Variants in SPTAN1 observed in about 807,000 individuals in gnomAD.
SPTAN1 encodes the protein spectrin alpha chain, non-erythrocytic 1.
SPTAN1 carries 61 observed loss-of-function variants against 331.3 expected under a neutral mutation model. The ratio of observed to expected loss-of-function variants is 0.18; its 90% CI spans 0.15 to 0.23. SPTAN1 has a LOEUF of 0.23. Among genes scored for constraint, SPTAN1 ranks in the 10% least tolerant of loss-of-function variants. SPTAN1 has a pLI of 1.00. For missense variants in SPTAN1, 2,043 were observed against 3,147.9 expected, an observed-to-expected ratio of 0.65 and a Z score of 8.40; for synonymous variants, 1,153 against 1,173.9, an observed-to-expected ratio of 0.98 and a Z score of 0.36.
Position 128,633,479 on chromosome 9 carries a change from A to C in SPTAN1, c.*145A>C. 1 of 1,383,448 alleles carries C rather than the reference A, an allele frequency of 7.2e-7. No individual in the cohort carries two copies. The allele number at this position is 1,383,448 out of a possible 1,614,324, so 85.7% of individuals were successfully genotyped here. Reference sequence around the variant, plus strand: ...CTTAGGAGAAAATGGTGCTTCACTAACCCGCTTCCGGTCCAGTCACAATCA... The same window carrying C: ...CTTAGGAGAAAATGGTGCTTCACTACCCCGCTTCCGGTCCAGTCACAATCA... On this transcript the variant is annotated 3_prime_UTR_variant, in exon 57 of 57. Coordinates refer to ENST00000372739, the MANE Select transcript of SPTAN1 (RefSeq NM_001130438.3).
At chr9:128,600,974 CT>C (rs60290370) in intron 27 of SPTAN1, among the ~76,000 whole-genome samples, 92 of 40,852 alleles carry the variant, frequency 2.3e-3, no homozygotes, top group African/African-American at 7.7e-3. Context: ...GGGAGAAAGT[CT>C]TTTTTTTTTT....
intron 3 of SPTAN1, 36 bp from the exon 4 acceptor site, chr9:128,574,639 T>G (rs201763197): frequency 1.2e-6 from 2 of 1,613,870 alleles, no homozygotes; most frequent in East Asian, 4.5e-5. Flanking sequence ...CAGAGCCAGT[T>G]GTGATCTGAT....
chr9:128,623,430 T>A (rs1431732423), intron 45 of SPTAN1, among the ~76,000 whole-genome samples: 1 of 151,592 alleles, frequency 6.6e-6, no homozygotes, highest in Non-Finnish European at 1.5e-5. Context: ...CTAATGAATA[T>A]ATCATCTTAA....
chr9:128,625,994 C>T lies in SPTAN1; in HGVS notation c.6279+16C>T, dbSNP rs555451095. 5 of 1,612,970 alleles carry T rather than the reference C, an allele frequency of 3.1e-6. No individual in the cohort carries two copies. The highest frequency in any genetic ancestry group is 2.7e-5 in the African/African-American group (2 of 75,026). On this transcript the variant is annotated intron_variant, in intron 48 of 56. Coordinates refer to ENST00000372739, the MANE Select transcript of SPTAN1 (RefSeq NM_001130438.3). This position sits in a 1 kb window ranked among gnomAD's most constrained non-coding sequence, Gnocchi z 4.1. ...CTTCCGCAAGGTGAGGATGGGGCCACGTGAAGCTTAGCTGGCCCACAGCTC... is the reference window on the plus strand; with the variant it reads ...CTTCCGCAAGGTGAGGATGGGGCCATGTGAAGCTTAGCTGGCCCACAGCTC...
intron 13 of SPTAN1, 23 bp downstream of exon 13, chr9:128,582,579 C>G (rs1362077383): frequency 6.2e-7 from 1 of 1,612,396 alleles, no homozygotes; most frequent in Non-Finnish European, 8.5e-7. Flanking sequence ...GTTCTTCATG[C>G]TCCTCCTTTT....
intron 27 of SPTAN1, chr9:128,601,352 A>G (rs1381331309): frequency 2.0e-5 from 3 of 152,196 alleles, no homozygotes; most frequent in South Asian, 2.1e-4. Flanking sequence ...CAGTTCTAGC[A>G]TCTTCCCTCC....
intron 9 of SPTAN1, 70 bp from the exon 10 acceptor site, chr9:128,579,567 A>C (rs1048983525): frequency 1.3e-5 from 17 of 1,262,658 alleles, no homozygotes; most frequent in Non-Finnish European, 1.9e-5. Context: ...GCTTATGTAA[A>C]ATTCAGCACC....
In SPTAN1 at chr9:128,625,217, G is replaced by A; in HGVS notation, c.6069+38G>A. On this transcript the variant is annotated intron_variant, in intron 47 of 56. Coordinates refer to ENST00000372739, the MANE Select transcript of SPTAN1 (RefSeq NM_001130438.3). This position sits in a 1 kb window ranked among gnomAD's most constrained non-coding sequence, Gnocchi z 4.1. ...CCCTTCACTGGTTGAAATGTATGCA[G>A]ATAGCATCTGTGAGATGACTGGTGG... is the stretch of plus-strand genomic sequence containing the variant. 1.9e-6 allele frequency: 3 copies of A among 1,597,244 alleles called. No homozygotes were observed. Among genetic ancestry groups the A allele is most frequent in the Middle Eastern group, 1.7e-4 (1 of 6,010 alleles).
Position 128,629,067 on chromosome 9 carries a change from G to A in SPTAN1, c.6707+1125G>A. 7.5e-6 allele frequency: 3 copies of A among 398,594 alleles called. No homozygotes were observed. Among genetic ancestry groups the A allele is most frequent in the Non-Finnish European group, 1.3e-5 (3 of 226,088 alleles). The allele number at this position is 398,594 out of a possible 1,614,324, so 24.7% of individuals were successfully genotyped here. On this transcript the variant is annotated intron_variant, in intron 51 of 56. Coordinates refer to ENST00000372739, the MANE Select transcript of SPTAN1 (RefSeq NM_001130438.3). This position sits in a 1 kb window ranked among gnomAD's most constrained non-coding sequence, Gnocchi z 4.9. ...TTGGGCTTTGTGTGTGTCTGTTGCA[G>A]TGTGCTCTTGCCTCCCCTCCCTTTG...
intron 5 of SPTAN1, 31 bp downstream of exon 5, chr9:128,575,376 A>G (rs905594778): frequency 6.2e-7 from 1 of 1,605,678 alleles, no homozygotes; most frequent in African/African-American, 1.3e-5. Context: ...TGCTTCTCAC[A>G]ACATTATTAT....
At chr9:128,601,658 TA>T (rs1855170753) in intron 27 of SPTAN1, among the ~76,000 whole-genome samples, 1 of 152,082 alleles carries the variant, frequency 6.6e-6, no homozygotes, top group Non-Finnish European at 1.5e-5. Context: ...AAACAAAAAG[TA>T]AAAAGAAATT....
intron 1 of SPTAN1, among the ~76,000 whole-genome samples, chr9:128,563,737 A>G (rs1367031111): frequency 1.4e-5 from 2 of 142,792 alleles, no homozygotes; most frequent in Non-Finnish European, 1.5e-5. Context: ...TTTTTTTGAG[A>G]CAGGGTCTCA....
At chr9:128,624,901 G>A in intron 46 of SPTAN1, 1 of 643,824 alleles carries the variant, frequency 1.6e-6, no homozygotes, top group Non-Finnish European at 2.8e-6. Flanking sequence ...TAGAAGACGG[G>A]CTGCAGGGAG....
At chr9:128,628,901 C>G in intron 51 of SPTAN1, 1 of 377,684 alleles carries the variant, frequency 2.6e-6, no homozygotes. Flanking sequence ...TGAGGTGCCA[C>G]GCTCCCCTCA....
At chr9:128,602,983 G>A (rs1169235884) in intron 27 of SPTAN1, among the ~76,000 whole-genome samples, 3 of 152,146 alleles carry the variant, frequency 2.0e-5, no homozygotes, top group East Asian at 1.9e-4. Flanking sequence ...TGAAATGTAC[G>A]TTGTTGAAAT....
chr9:128,628,267 G>A (rs1045971893), intron 51 of SPTAN1: 3 of 477,240 alleles, frequency 6.3e-6, no homozygotes, highest in Non-Finnish European at 1.2e-5. Flanking sequence ...CCCCGTGCCT[G>A]TCCAGCCACC....
rs953362550 is a variant in SPTAN1 at position 128,605,001 on chromosome 9, G to A, written c.3720-33G>A. 5 of 1,613,316 alleles carry A rather than the reference G, an allele frequency of 3.1e-6. No individual in the cohort carries two copies. In the African/African-American group the frequency reaches 6.7e-5, roughly 22 times the overall value. On this transcript the variant is annotated intron_variant, in intron 29 of 56. Transcript: ENST00000372739. The stretch of plus-strand genomic sequence containing the variant: ...CCTGTAATCAAGGCAGTTGTACTTG[G>A]CATTTCTTAACCTGAATGTGTCTCG...
chr9:128,632,886 G>A lies in SPTAN1; in HGVS notation c.7239G>A (p.Glu2413=). The change falls in exon 56 of 57, where the codon GAG becomes GAA. Residue 2413 remains glutamate (E), a synonymous_variant. Transcript: ENST00000372739. ...CTGAGAACGTCAAGTCCAGCGAGGA[G>A]ATTGAGAGCGCCTTCCGGGCCCTCA... is the stretch of plus-strand genomic sequence containing the variant. ...RETENVKSSE[E]IESAFRALSS... The A allele has an allele frequency of 1.2e-6, 2 of 1,614,000 alleles. No individual in the cohort carries two copies. Among genetic ancestry groups the A allele is most frequent in the South Asian group, 1.1e-5 (1 of 91,086 alleles).
At position 128,608,964 on chromosome 9, in the gene SPTAN1, G is replaced by A. The variant is rs780433514; in HGVS notation, c.4582G>A (p.Glu1528Lys). ...GGGAGACATTTCTAGCCGGCGCAAT[G>A]AGGTCTTGGACAGGTGGGTGTCCTG... ...AKGDISSRRNEVLDRWRRLKA... is the reference protein window; with the variant it reads ...AKGDISSRRNKVLDRWRRLKA... The change falls in exon 35 of 57, where the codon GAG becomes AAG. Residue 1528 changes from glutamate to lysine, a missense_variant. Transcript: ENST00000372739. 2 of 1,614,116 alleles carry A rather than the reference G, an allele frequency of 1.2e-6. No homozygotes were observed. Among genetic ancestry groups the A allele is most frequent in the African/African-American group, 2.7e-5 (2 of 74,944 alleles).
Sources: allele counts gnomAD v4.1 joint callset (sites outside exome capture counted in the v4.1 genomes callset), GRCh38; gene constraint gnomAD v4.1.1; non-coding constraint Gnocchi (gnomAD v3.1); transcripts MANE v1.5; gene names NCBI Gene and HGNC (gene_info 2026-07-23, HGNC 2026-07-21).